Variants in SNAI3 observed in about 807,000 individuals in gnomAD.
SNAI3 encodes snail family transcriptional repressor 3, also known as zinc finger protein SNAI3.
Under a neutral mutation model 16.4 loss-of-function variants are expected in SNAI3, and 21 were observed. The ratio of observed to expected loss-of-function variants is 1.28; its 90% confidence interval spans 0.91 to 1.85. The LOEUF is 1.85. Among genes scored for constraint, SNAI3 ranks in the 40% most tolerant of loss-of-function variants. The pLI is 0.00. For synonymous variants in SNAI3, 202 were observed against 166.6 expected (o/e 1.21, Z -1.64); for missense variants, 457 against 372.8 (o/e 1.23, Z -1.86).
Position 88,681,321 on chromosome 16 carries a change from C to A in SNAI3, c.470G>T (p.Cys157Phe). 1 of 1,613,092 alleles carries A rather than the reference C, an allele frequency of 6.2e-7. No individual in the cohort carries two copies. The highest frequency in any genetic ancestry group is 8.5e-7 in the Non-Finnish European group (1 of 1,179,818). Residue 157 changes from cysteine to phenylalanine, a missense_variant, in exon 2 of 3, where the codon TGC becomes TTC. Cys to Phe is a radical substitution (Grantham distance 205). Coordinates refer to ENST00000332281, the MANE Select transcript of SNAI3 (RefSeq NM_178310.4). This position sits in a 1 kb window ranked among gnomAD's most constrained non-coding sequence, Gnocchi z 5.4. ...GGCCAGCGTGTGGTAGGGTTTGTGG[C>A]AGTGGAAGCACTCAAAGCCGCCCGG... is the stretch of plus-strand genomic sequence containing the variant. ...RAPGGFECFH[C>F]HKPYHTLAGL...
Position 88,678,642 on chromosome 16 carries a change from G to T in SNAI3, c.698-13C>A. 6.9e-7 allele frequency: 1 copy of T among 1,439,022 alleles called. No individual in the cohort carries two copies. 89.1% of individuals were successfully genotyped at this position (1,439,022 alleles called of 1,614,324 possible). A position where few individuals can be genotyped will look rare whatever the true frequency, so the allele number is the denominator to read the frequency against. On this transcript the variant is annotated splice_polypyrimidine_tract_variant and intron_variant, in intron 2 of 2. Transcript: ENST00000332281. ...TAGGGCTTCTCCCCTGTGGGAGGAAGGCGGCGGCCAGTGACACCATGGAAG... is the reference window on the plus strand; with the variant it reads ...TAGGGCTTCTCCCCTGTGGGAGGAATGCGGCGGCCAGTGACACCATGGAAG...
In SNAI3 at chr16:88,681,450, A is replaced by G. The variant is rs367570205; in HGVS notation, c.341T>C (p.Leu114Pro). ...TGTGGGCAGCACCAGCAGTGGGGGCAGGTTGAGGTGGTTCAGGCTGTCTTT... is the reference window on the plus strand; with the variant it reads ...TGTGGGCAGCACCAGCAGTGGGGGCGGGTTGAGGTGGTTCAGGCTGTCTTT... Reference protein sequence around the residue: ...PLKDSLNHLNLPPLLVLPTRW... With the variant: ...PLKDSLNHLNPPPLLVLPTRW... Residue 114 changes from leucine (L) to proline (P), a missense_variant, in exon 2 of 3, where the codon CTG (leucine) becomes CCG (proline). By Grantham distance (98) the Leu-to-Pro change is moderately conservative. Transcript: ENST00000332281. The surrounding 1 kb of genome is among the most constrained non-coding windows in gnomAD (Gnocchi z 5.4). 6.2e-7 allele frequency: 1 copy of G among 1,602,046 alleles called. No individual in the cohort carries two copies. Among genetic ancestry groups the G allele is most frequent in the Non-Finnish European group, 8.5e-7 (1 of 1,171,570 alleles).
intron 1 of SNAI3, among the ~76,000 whole-genome samples, chr16:88,683,269 T>C (rs1270285487): frequency 1.3e-5 from 2 of 151,484 alleles, no homozygotes; most frequent in African/African-American, 2.4e-5. Flanking sequence ...ATTTTTTTTT[T>C]CCCCCAGATG....
chr16:88,683,465 A>G (rs917203339), intron 1 of SNAI3, among the ~76,000 whole-genome samples: 4 of 151,434 alleles, frequency 2.6e-5, no homozygotes, highest in Non-Finnish European at 5.9e-5. Flanking sequence ...CATGTTGGCC[A>G]GGCTGGTCTC....
In SNAI3 at chr16:88,678,062, T is replaced by G. The variant is rs8048897; in HGVS notation, c.*386A>C. The G allele has an allele frequency of 0.93, 184,096 of 198,028 alleles. 85,659 individuals carry two copies. The highest frequency in any genetic ancestry group is 1 in the East Asian group (7,445 of 7,476). 12.3% of individuals were successfully genotyped at this position (198,028 alleles called of 1,614,324 possible). A position where few individuals can be genotyped will look rare whatever the true frequency, so the allele number is the denominator to read the frequency against. ...TCAGAACTGTTCATTTCTGCTGCAA[T>G]GGAACTAGGCAGCCTTGCCAGCCAT... On this transcript the variant is annotated 3_prime_UTR_variant, in exon 3 of 3. Coordinates refer to ENST00000332281, the MANE Select transcript of SNAI3 (RefSeq NM_178310.4).
In SNAI3 at chr16:88,681,249, C is replaced by G. The variant is rs773662551; in HGVS notation, c.542G>C (p.Arg181Pro). ...GTCGCAGTACTTGCAGGTGAAGACA[C>G]GCCCCACCTGCAGGTGGCAGTGCAG... is the stretch of plus-strand genomic sequence containing the variant. ...RQLHCHLQVG[R>P]VFTCKYCDKE... Residue 181 changes from arginine (R) to proline (P), a missense_variant, in exon 2 of 3, where the codon CGT (arginine) becomes CCT (proline). Arg to Pro is a moderately radical substitution (Grantham distance 103). Transcript: ENST00000332281. This position sits in a 1 kb window ranked among gnomAD's most constrained non-coding sequence, Gnocchi z 5.4. 5.6e-6 allele frequency: 9 copies of G among 1,613,500 alleles called. No individual in the cohort carries two copies. The Admixed American group carries it at 1.0e-4, about 18-fold the overall frequency.
intron 1 of SNAI3, among the ~76,000 whole-genome samples, chr16:88,684,581 C>T (rs975047487): frequency 8.5e-5 from 13 of 152,288 alleles, no homozygotes; most frequent in African/African-American, 3.1e-4. Flanking sequence ...CTGCAACCTC[C>T]ATCTCCCGGG....
chr16:88,680,349 A>G (rs1909125281), intron 2 of SNAI3, among the ~76,000 whole-genome samples: 1 of 126,138 alleles, frequency 7.9e-6, no homozygotes, highest in South Asian at 2.7e-4. Flanking sequence ...GCAGTGGCGC[A>G]ATCTTGGCTC....
intron 1 of SNAI3, among the ~76,000 whole-genome samples, chr16:88,682,400 G>A (rs980949975): frequency 6.6e-6 from 1 of 152,236 alleles, no homozygotes; most frequent in African/African-American, 2.4e-5. Flanking sequence ...CCAGGACGGT[G>A]TTTCCTCTAT....
At chr16:88,685,430 A>G (rs1019781963) in intron 1 of SNAI3, 1 of 152,278 alleles carries the variant, frequency 6.6e-6, no homozygotes, top group African/African-American at 2.4e-5. Flanking sequence ...CACAGCCCCA[A>G]CAGCGCCCTT....
At chr16:88,680,116 G>A (rs1909114922) in intron 2 of SNAI3, among the ~76,000 whole-genome samples, 1 of 151,148 alleles carries the variant, frequency 6.6e-6, no homozygotes, top group Non-Finnish European at 1.5e-5. Flanking sequence ...GTGAACCTTT[G>A]GGCCTGATGT....
chr16:88,682,435 A>T (rs188782207), intron 1 of SNAI3, among the ~76,000 whole-genome samples: 2 of 152,368 alleles, frequency 1.3e-5, no homozygotes, highest in Admixed American at 6.5e-5. Flanking sequence ...ACTGCACACC[A>T]CATGGGTGAT....
chr16:88,681,243 A>AAGACACGCCCCACCTGCAGGTGG lies in SNAI3; in HGVS notation c.525_547dup (p.Phe183SerfsTer258), dbSNP rs765898620. On this transcript the variant is annotated frameshift_variant, in exon 2 of 3. Transcript: ENST00000332281. LOFTEE classifies it high-confidence loss of function. This position sits in a 1 kb window ranked among gnomAD's most constrained non-coding sequence, Gnocchi z 5.4. ...CTCCTTGTCGCAGTACTTGCAGGTG[A>AAGACACGCCCCACCTGCAGGTGG]AGACACGCCCCACCTGCAGGTGGCA... 21 of 1,613,618 alleles carry AAGACACGCCCCACCTGCAGGTGG rather than the reference A, an allele frequency of 1.3e-5. No homozygotes were observed. Among genetic ancestry groups the AAGACACGCCCCACCTGCAGGTGG allele is most frequent in the Non-Finnish European group, 1.8e-5 (21 of 1,179,992 alleles).
At position 88,678,298 on chromosome 16, in the gene SNAI3, C is replaced by T; in HGVS notation, c.*150G>A. On this transcript the variant is annotated 3_prime_UTR_variant, in exon 3 of 3. Coordinates refer to ENST00000332281, the MANE Select transcript of SNAI3 (RefSeq NM_178310.4). ...CGGCCCAGTGGCCCCCGCTGGACTT[C>T]TTTGGTTCTGATTGGACGCAGATGT... The T allele has an allele frequency of 1.7e-6, 1 of 586,848 alleles. No individual in the cohort carries two copies. The highest frequency in any genetic ancestry group is 3.0e-6 in the Non-Finnish European group (1 of 329,274). 36.4% of individuals were successfully genotyped at this position (586,848 alleles called of 1,614,324 possible).
Position 88,678,472 on chromosome 16 carries a change from C to T in SNAI3, c.855G>A (p.Glu285=), listed in dbSNP as rs532890778. 2 of 776,038 alleles carry T rather than the reference C, an allele frequency of 2.6e-6. No individual in the cohort carries two copies. Among genetic ancestry groups the T allele is most frequent in the African/African-American group, 3.4e-5 (2 of 59,318 alleles). 48.1% of individuals were successfully genotyped at this position (776,038 alleles called of 1,614,324 possible). ...SRMSLLARHE[E]SGCCPGP is the part of the protein sequence containing the mutation. ...CTCAGGGGCCCGGGCAGCAGCCAGACTCCTCATGCCGCGCCAGGAGGGACA... is the reference window on the plus strand; with the variant it reads ...CTCAGGGGCCCGGGCAGCAGCCAGATTCCTCATGCCGCGCCAGGAGGGACA... The change falls in exon 3 of 3, where the codon GAG becomes GAA. Residue 285 remains glutamate (E), a synonymous_variant. Transcript: ENST00000332281.
At position 88,686,410 on chromosome 16, in the gene SNAI3, C is replaced by T; in HGVS notation, c.-4G>A. ...TCACCAGGAAGGAGCGCGGCATGTT[C>T]CCCTCCCGGGCGGCAGGCCGGGGTG... On this transcript the variant is annotated 5_prime_UTR_variant, in exon 1 of 3. Transcript: ENST00000332281. 6.2e-7 allele frequency: 1 copy of T among 1,610,034 alleles called. No homozygotes were observed. Among genetic ancestry groups the T allele is most frequent in the Non-Finnish European group, 8.5e-7 (1 of 1,179,304 alleles).
chr16:88,686,196 G>T, intron 1 of SNAI3, 135 bp downstream of exon 1: 2 of 1,178,472 alleles, frequency 1.7e-6, no homozygotes, highest in South Asian at 1.6e-5. Context: ...CGCAGCCGCT[G>T]CGCAGAGGCG....
chr16:88,684,640 C>T (rs913277260), intron 1 of SNAI3, among the ~76,000 whole-genome samples: 2 of 152,132 alleles, frequency 1.3e-5, no homozygotes, highest in Non-Finnish European at 1.5e-5. Flanking sequence ...GGATTATAGG[C>T]ACCCGCCAGC....
At chr16:88,685,676 G>C (rs562631607) in intron 1 of SNAI3, 1 of 152,538 alleles carries the variant, frequency 6.6e-6, no homozygotes, top group Non-Finnish European at 1.5e-5. Flanking sequence ...CAGCCTAGCC[G>C]GTGTGTGGAG....
Sources: allele counts gnomAD v4.1 joint callset (sites outside exome capture counted in the v4.1 genomes callset), GRCh38; gene constraint gnomAD v4.1.1; non-coding constraint Gnocchi (gnomAD v3.1); transcripts MANE v1.5; gene names NCBI Gene and HGNC (gene_info 2026-07-23, HGNC 2026-07-21).